The following NCOR1 variants were observed in gnomAD, a reference collection of about 807,000 sequenced individuals.
NCOR1 encodes nuclear receptor corepressor 1, also known as protein phosphatase 1, regulatory subunit 109.
A neutral mutation model predicts 288.1 loss-of-function variants in NCOR1; 63 were observed. That is an observed-to-expected ratio of 0.22 (90% CI 0.18 to 0.27). NCOR1 has a LOEUF of 0.27. Ranked by LOEUF, NCOR1 falls within the 10% of genes least tolerant of loss-of-function variation. The pLI, the probability that NCOR1 is intolerant of heterozygous loss-of-function variation, is 1.00. For synonymous variants in NCOR1, 1,007 were observed against 1,065.9 expected (o/e 0.94, Z 1.08); for missense variants, 2,397 against 3,019.2 (o/e 0.79, Z 4.83).
intron 42 of NCOR1, 91 bp from the exon 43 acceptor site, chr17:16,040,585 CT>C: frequency 1.9e-6 from 2 of 1,079,786 alleles, no homozygotes; most frequent in Non-Finnish European, 1.4e-6. Flanking sequence ...TAAAATTAAT[CT>C]TTTTATTTTT....
chr17:16,064,931 A>G lies in NCOR1; in HGVS notation c.5040T>C (p.Tyr1680=), dbSNP rs764064342. The G allele has an allele frequency of 6.8e-6, 11 of 1,613,918 alleles. No homozygotes were observed. The highest frequency in any genetic ancestry group is 6.7e-5 in the East Asian group (3 of 44,890). ...GGAAAGTAATCTGTGTACCAGGAAT[A>G]TAAGTGATTCTGTCCATGGGAGGAG... ...TSTPPMDRIT[Y]IPGTQITFPP... is the part of the protein sequence containing the mutation. The change falls in exon 34 of 46, where the codon TAT becomes TAC. Residue 1680 remains tyrosine (Y), a synonymous_variant. Transcript: ENST00000268712.
chr17:16,095,430 G>A (rs1598518112), intron 21 of NCOR1, among the ~76,000 whole-genome samples: 3 of 149,030 alleles, frequency 2.0e-5, no homozygotes, highest in African/African-American at 7.4e-5. Context: ...CGCCCCATCC[G>A]GGAGGGAGGT....
intron 32 of NCOR1, among the ~76,000 whole-genome samples, chr17:16,067,621 C>T (rs2061283394): frequency 6.6e-6 from 1 of 152,190 alleles, no homozygotes; most frequent in Non-Finnish European, 1.5e-5. Context: ...TAATTATTCA[C>T]ATTAATCCAC....
intron 2 of NCOR1, among the ~76,000 whole-genome samples, chr17:16,192,698 G>A (rs939486241): frequency 2.6e-5 from 4 of 151,674 alleles, no homozygotes; most frequent in East Asian, 1.9e-4. Flanking sequence ...AAAAATGTAC[G>A]CTCTCCAAAG....
At chr17:16,095,479 G>A (rs2066325034) in intron 21 of NCOR1, among the ~76,000 whole-genome samples, 1 of 145,984 alleles carries the variant, frequency 6.9e-6, no homozygotes, top group East Asian at 2.1e-4. Context: ...GCCCCGTCCG[G>A]GAGGGAGGTA....
chr17:16,198,679 T>C (rs2090290300), intron 1 of NCOR1: 2 of 151,260 alleles, frequency 1.3e-5, no homozygotes. Flanking sequence ...TGAGCCGAGA[T>C]CGTGCCATTG....
chr17:16,064,910 A>G lies in NCOR1; in HGVS notation c.5061T>C (p.Thr1687=). 3.7e-6 allele frequency: 6 copies of G among 1,613,774 alleles called. No individual in the cohort carries two copies. Among genetic ancestry groups the G allele is most frequent in the Non-Finnish European group, 5.1e-6 (6 of 1,179,774 alleles). The part of the protein sequence containing the change: ...RITYIPGTQI[T]FPPRPYNSAS... ...CAGAGTTGTACGGCCTGGGAGGGAA[A>G]GTAATCTGTGTACCAGGAATATAAG... is the stretch of plus-strand genomic sequence containing the variant. The change falls in exon 34 of 46, where the codon ACT becomes ACC. Residue 1687 remains threonine, a synonymous_variant. Coordinates refer to ENST00000268712, the MANE Select transcript of NCOR1 (RefSeq NM_006311.4).
Position 16,057,726 on chromosome 17 carries a change from T to A in NCOR1, c.6180A>T (p.Thr2060=), listed in dbSNP as rs760885563. 1.2e-6 allele frequency: 2 copies of A among 1,613,828 alleles called. No individual in the cohort carries two copies. The highest frequency in any genetic ancestry group is 3.3e-5 in the Admixed American group (2 of 60,016). ...AAACTTGATTTCTAGCAAAATCTTG[T>A]GTGATAATTTGCTGTGAATGAGAAA... ...TLADHICQII[T]QDFARNQVSS... Residue 2060 remains threonine (T), a synonymous_variant, in exon 40 of 46, where the codon ACA becomes ACT. Coordinates refer to ENST00000268712, the MANE Select transcript of NCOR1 (RefSeq NM_006311.4).
intron 42 of NCOR1, 145 bp downstream of exon 42, chr17:16,046,806 C>G: frequency 1.1e-6 from 1 of 938,300 alleles, no homozygotes; most frequent in Non-Finnish European, 1.5e-6. Context: ...CTGGCAGACA[C>G]TTGAGAAGGA....
In NCOR1 at chr17:16,149,440, T is replaced by C. The variant is rs763916848; in HGVS notation, c.909+11A>G. 4.6e-6 allele frequency: 7 copies of C among 1,510,212 alleles called. No homozygotes were observed. The highest frequency in any genetic ancestry group is 3.8e-5 in the Admixed American group (2 of 52,564). The allele number at this position is 1,510,212 out of a possible 1,614,324, so 93.6% of individuals were successfully genotyped here. On this transcript the variant is annotated intron_variant, in intron 9 of 45. Transcript: ENST00000268712. ...CTGTATAAATTTCAGTTAACAAGGA[T>C]AGGACCTCACCCTTTGTTTTCTTGC...
chr17:16,144,935 C>T (rs1036930150), intron 10 of NCOR1, among the ~76,000 whole-genome samples: 8 of 152,156 alleles, frequency 5.3e-5, no homozygotes, highest in African/African-American at 1.9e-4. Flanking sequence ...TCTCCTTCTC[C>T]CGCTTTCCAC....
intron 40 of NCOR1, 21 bp from the exon 41 acceptor site, chr17:16,049,009 T>G (rs759108719): frequency 7.6e-6 from 12 of 1,573,268 alleles, no homozygotes; most frequent in African/African-American, 1.4e-5. Context: ...ATGTGAAATA[T>G]TAGATTGTGT....
At chr17:16,151,653 G>T in intron 8 of NCOR1, 1 of 1,385,210 alleles carries the variant, frequency 7.2e-7, no homozygotes, top group Admixed American at 2.2e-5. Flanking sequence ...AAAAATTCAA[G>T]CCTCAAGGTA....
rs1426966312 is a variant in NCOR1, at chr17:16,071,418, G to A, written c.4143C>T (p.Ser1381=). Reference sequence around the variant, plus strand: ...GCCAAAACTTAGTTACCTGGGAAATGGAACCCTCAATTATCGGCCGTGTGC... The same window carrying A: ...GCCAAAACTTAGTTACCTGGGAAATAGAACCCTCAATTATCGGCCGTGTGC... The part of the protein sequence containing the change: ...VQSTRPIIEG[S]ISQGTPIKFD... The change falls in exon 30 of 46, where the codon TCC becomes TCT. Residue 1381 remains serine (S), a synonymous_variant. Coordinates refer to ENST00000268712, the MANE Select transcript of NCOR1 (RefSeq NM_006311.4). 4.4e-6 allele frequency: 7 copies of A among 1,608,772 alleles called. No individual in the cohort carries two copies. Among genetic ancestry groups the A allele is most frequent in the South Asian group, 1.1e-5 (1 of 90,122 alleles).
intron 4 of NCOR1, among the ~76,000 whole-genome samples, chr17:16,165,383 A>G (rs1299721464): frequency 6.6e-6 from 1 of 152,224 alleles, no homozygotes; most frequent in African/African-American, 2.4e-5. Flanking sequence ...AAAGCTATAC[A>G]AAGTGAGGTG....
chr17:16,109,467 T>A (rs918962456), intron 18 of NCOR1, among the ~76,000 whole-genome samples: 3 of 152,042 alleles, frequency 2.0e-5, no homozygotes, highest in African/African-American at 7.2e-5. Flanking sequence ...TTTAACATAA[T>A]GTAGCCATGA....
rs73280268 is a variant in NCOR1, at chr17:16,150,817, T to C, written c.842+1129A>G. Among the ~76,000 whole-genome samples, 475 of 152,300 alleles carry C rather than the reference T, an allele frequency of 3.1e-3. 1 individual carries two copies. Among genetic ancestry groups the C allele is most frequent in the African/African-American group, 0.011 (460 of 41,560 alleles). ...AAGCAAGGTATATTATATGTGAGTT[T>C]TGACTAACTTACTTCTAAGGGTTCT... is the stretch of plus-strand genomic sequence containing the variant. On this transcript the variant is annotated intron_variant, in intron 8 of 45. Coordinates refer to ENST00000268712, the MANE Select transcript of NCOR1 (RefSeq NM_006311.4).
chr17:16,100,920 AC>A (rs1456937432), intron 20 of NCOR1, among the ~76,000 whole-genome samples: 5 of 152,250 alleles, frequency 3.3e-5, no homozygotes, highest in African/African-American at 1.2e-4. Flanking sequence ...ACCTTCTTCT[AC>A]CACATCCCAC....
intron 14 of NCOR1, among the ~76,000 whole-genome samples, 161 bp from the exon 15 acceptor site, chr17:16,126,367 G>A (rs1473816390): frequency 6.6e-6 from 1 of 151,994 alleles, no homozygotes; most frequent in Admixed American, 6.5e-5. Context: ...GGTTTTTAAT[G>A]TATTCTATAT....
Sources: allele counts gnomAD v4.1 joint callset (sites outside exome capture counted in the v4.1 genomes callset), GRCh38; gene constraint gnomAD v4.1.1; transcripts MANE v1.5; gene names NCBI Gene and HGNC (gene_info 2026-07-23, HGNC 2026-07-21).